FAM135B: variants seen among roughly 807,000 people sequenced by gnomAD.
FAM135B encodes the protein protein FAM135B.
Under a neutral mutation model 127.7 loss-of-function variants are expected in FAM135B, and 43 were observed. The observed-to-expected ratio is 0.34, with a 90% CI of 0.26 to 0.43. The LOEUF (loss-of-function observed/expected upper bound fraction) is 0.43, where lower values mean the gene tolerates loss of function less well. Among genes scored for constraint, FAM135B ranks in the 20% least tolerant of loss-of-function variants. FAM135B has a pLI of 1.00. For missense variants in FAM135B, 1,558 were observed against 1,725.6 expected (o/e 0.90, Z 1.72); for synonymous variants, 670 against 665.1 (o/e 1.01, Z -0.11).
At chr8:138,357,030 T>A (rs1284477603) in intron 2 of FAM135B, among the ~76,000 whole-genome samples, 1 of 152,152 alleles carries the variant, frequency 6.6e-6, no homozygotes, top group Non-Finnish European at 1.5e-5. Context: ...TAGAAGAGTT[T>A]GATCAAAGAG....
chr8:138,389,253 T>A (rs776442456), intron 1 of FAM135B, among the ~76,000 whole-genome samples: 3 of 152,188 alleles, frequency 2.0e-5, no homozygotes, highest in Non-Finnish European at 4.4e-5. Flanking sequence ...TGATGGCACC[T>A]CAATGAATTA....
chr8:138,137,087 T>G, intron 19 of FAM135B, 60 bp downstream of exon 19: 1 of 886,318 alleles, frequency 1.1e-6, no homozygotes, highest in Non-Finnish European at 1.9e-6. Context: ...GTCAATTCCA[T>G]GAATTTACTT....
At chr8:138,367,525 A>G in intron 2 of FAM135B, 1 of 448,346 alleles carries the variant, frequency 2.2e-6, no homozygotes, top group Non-Finnish European at 4.4e-6. Context: ...GTTTTGAAGT[A>G]ATGGCCTGCA....
upstream of FAM135B, among the ~76,000 whole-genome samples, chr8:138,497,555 T>A (rs1268028005): frequency 6.6e-6 from 1 of 152,066 alleles, no homozygotes; most frequent in Non-Finnish European, 1.5e-5. Context: ...GAGGGGACTG[T>A]TGAACTTGGA....
intron 7 of FAM135B, among the ~76,000 whole-genome samples, chr8:138,239,407 G>A (rs1250863621): frequency 2.0e-5 from 3 of 152,136 alleles, no homozygotes; most frequent in Non-Finnish European, 4.4e-5. Flanking sequence ...TGATGGGGTT[G>A]TTTTTTTCTT....
At chr8:138,287,845 C>G (rs936735543) in intron 3 of FAM135B, among the ~76,000 whole-genome samples, 4 of 152,206 alleles carry the variant, frequency 2.6e-5, no homozygotes, top group Non-Finnish European at 4.4e-5. Context: ...AAACCAAAAT[C>G]TACACGTTAC....
At chr8:138,229,165 T>C (rs531559123) in intron 7 of FAM135B, among the ~76,000 whole-genome samples, 4 of 151,786 alleles carry the variant, frequency 2.6e-5, no homozygotes, top group African/African-American at 9.7e-5. Flanking sequence ...ATTTAAGGAG[T>C]TTTATGAGGT....
chr8:138,452,173 A>G (rs1052105839), intron 1 of FAM135B, among the ~76,000 whole-genome samples: 1 of 123,928 alleles, frequency 8.1e-6, no homozygotes, highest in African/African-American at 3.2e-5. Flanking sequence ...TCTGTTGCTC[A>G]GGCTGGAGTG....
intron 7 of FAM135B, among the ~76,000 whole-genome samples, chr8:138,226,625 G>C (rs1819474443): frequency 6.6e-6 from 1 of 152,074 alleles, no homozygotes; most frequent in African/African-American, 2.4e-5. Flanking sequence ...GCAGTAGTGT[G>C]ATGTCAGCTC....
At chr8:138,350,349 T>G (rs560208715) in intron 2 of FAM135B, among the ~76,000 whole-genome samples, 2 of 152,256 alleles carry the variant, frequency 1.3e-5, no homozygotes, top group South Asian at 4.1e-4. Context: ...CAACCAACCA[T>G]TCCAACCCTC....
intron 2 of FAM135B, among the ~76,000 whole-genome samples, chr8:138,330,876 C>G (rs1563905099): frequency 6.6e-6 from 1 of 150,714 alleles, no homozygotes; most frequent in Non-Finnish European, 1.5e-5. Context: ...GAGTTTCACT[C>G]TTGTTGCCCA....
At chr8:138,198,802 G>T (rs1282816294) in intron 7 of FAM135B, among the ~76,000 whole-genome samples, 1 of 122,164 alleles carries the variant, frequency 8.2e-6, no homozygotes, top group Non-Finnish European at 1.7e-5. Flanking sequence ...AACAGAGAAG[G>T]ATGTCCTGAG....
intron 1 of FAM135B, among the ~76,000 whole-genome samples, chr8:138,394,702 C>A (rs1832766641): frequency 6.7e-6 from 1 of 149,246 alleles, no homozygotes; most frequent in Admixed American, 6.6e-5. Context: ...CTCGACCCCA[C>A]AACAGGCCTG....
intron 1 of FAM135B, among the ~76,000 whole-genome samples, chr8:138,389,811 T>C (rs1022914924): frequency 2.0e-5 from 3 of 152,180 alleles, no homozygotes; most frequent in Non-Finnish European, 4.4e-5. Context: ...CAATTGTGTT[T>C]GTGTTATGTG....
intron 7 of FAM135B, among the ~76,000 whole-genome samples, chr8:138,210,902 A>G (rs1353837479): frequency 1.3e-5 from 2 of 152,160 alleles, no homozygotes; most frequent in African/African-American, 4.8e-5. Context: ...TCCTTACCTG[A>G]GCCTCACAGG....
At chr8:138,404,929 C>A (rs1215488533) in intron 1 of FAM135B, among the ~76,000 whole-genome samples, 2 of 152,170 alleles carry the variant, frequency 1.3e-5, no homozygotes, top group African/African-American at 2.4e-5. Flanking sequence ...TTTACCTCCT[C>A]CCATGAATCA....
chr8:138,151,889 A>G lies in FAM135B; in HGVS notation c.2586T>C (p.Leu862=). ...GKQFDAQGHC[L]PDGRTENTPG... ...GAGTGTTCTCAGTCCTGCCATCAGG[A>G]AGACAGTGTCCTTGAGCATCAAACT... Residue 862 remains leucine (L), a synonymous_variant, in exon 13 of 20, where the codon CTT becomes CTC. Coordinates refer to ENST00000395297, the MANE Select transcript of FAM135B (RefSeq NM_015912.4). 6.2e-7 allele frequency: 1 copy of G among 1,614,008 alleles called. No individual in the cohort carries two copies. Among genetic ancestry groups the G allele is most frequent in the Non-Finnish European group, 8.5e-7 (1 of 1,179,892 alleles).
rs2130486315 is a variant in FAM135B, at chr8:138,132,709, C to T, written c.4105G>A (p.Ala1369Thr). The T allele has an allele frequency of 4.3e-6, 7 of 1,614,136 alleles. No individual in the cohort carries two copies. Among genetic ancestry groups the T allele is most frequent in the East Asian group, 4.5e-5 (2 of 44,874 alleles). ...CTLIRHNVFH[A>T]LPNTANTLIG... ...AGGGTGTTGGCAGTGTTGGGCAGGG[C>T]GTGGAACACGTTGTGTCGGATTAAA... The change falls in exon 20 of 20, where the codon GCC becomes ACC. Residue 1369 changes from alanine to threonine, a missense_variant. Ala to Thr is a moderately conservative substitution (Grantham distance 58). Around this residue, in one of 5 missense-constraint regions of FAM135B, gnomAD observed 194 missense variants for 333.8 expected, o/e 0.58. Transcript: ENST00000395297. The surrounding 1 kb of genome is among the most constrained non-coding windows in gnomAD (Gnocchi z 4.5).
At position 138,189,407 on chromosome 8, in the gene FAM135B, G is replaced by A. The variant is rs140840153; in HGVS notation, c.873+5851C>T. Among the ~76,000 whole-genome samples the A allele has an allele frequency of 7.2e-5, 11 of 152,170 alleles. No individual in the cohort carries two copies. The East Asian group carries it at 9.6e-4, about 13-fold the overall frequency. ...TTTCCTGGATGCCAAACAAGAGCTC[G>A]CGTACCACAGGTGTGGATGCAAAAG... On this transcript the variant is annotated intron_variant, in intron 9 of 19. Transcript: ENST00000395297.
Sources: gnomAD v4.1 joint callset for allele counts (sites outside exome capture counted in the v4.1 genomes callset) on GRCh38, gnomAD v4.1.1 for gene constraint, gnomAD v4.1.1 regional missense constraint, Gnocchi (gnomAD v3.1) non-coding constraint, MANE v1.5 for transcripts, NCBI Gene and HGNC (gene_info 2026-07-23, HGNC 2026-07-21) for gene names.